The following PCGF3 variants were observed in gnomAD, a reference collection of about 807,000 sequenced individuals.
The protein encoded by PCGF3 is polycomb group RING finger protein 3.
Under a neutral mutation model 33.1 loss-of-function variants are expected in PCGF3, and 7 were observed. The observed-to-expected ratio is 0.21, with a 90% confidence interval of 0.12 to 0.40. The LOEUF is 0.40. Among genes scored for constraint, PCGF3 ranks in the 10% least tolerant of loss-of-function variants. The pLI is 1.00. For synonymous variants in PCGF3, 153 were observed against 121.3 expected (o/e 1.26, Z -1.72); for missense variants, 211 against 313.3 (o/e 0.67, Z 2.46).
At position 765,078 on chromosome 4, in the gene PCGF3, T is replaced by C. The variant is rs1745286101; in HGVS notation, c.681+14T>C. 8 of 1,587,078 alleles carry C rather than the reference T, an allele frequency of 5.0e-6. No homozygotes were observed. The highest frequency in any genetic ancestry group is 1.1e-5 in the South Asian group (1 of 90,444). On this transcript the variant is annotated intron_variant, in intron 10 of 10. Transcript: ENST00000362003. ...TGGAGATTCAAGGTGAGACACGTGA[T>C]TTGATTTTCAGAGTCTGCTCTGAAT...
chr4:729,721 G>T (rs1468003280), intron 1 of PCGF3, among the ~76,000 whole-genome samples: 1 of 152,162 alleles, frequency 6.6e-6, no homozygotes, highest in Non-Finnish European at 1.5e-5. Context: ...AGTTAACTGA[G>T]CTTCAAAGAT....
In PCGF3 at chr4:718,072, C is replaced by T. The variant is rs922596436; in HGVS notation, c.-190+12102C>T. On this transcript the variant is annotated intron_variant, in intron 1 of 10. Transcript: ENST00000362003. Reference sequence around the variant, plus strand: ...CTAGGGGGGCCCAGTGTGAGGGAGGCGCAGGTGGCTCAGAGGTGTCTGGGG... The same window carrying T: ...CTAGGGGGGCCCAGTGTGAGGGAGGTGCAGGTGGCTCAGAGGTGTCTGGGG... Among the ~76,000 whole-genome samples, 7 of 152,096 alleles carry T rather than the reference C, an allele frequency of 4.6e-5. No homozygotes were observed. In the South Asian group the frequency reaches 1.0e-3, roughly 23 times the overall value.
intron 9 of PCGF3, chr4:762,148 A>C (rs1226371423): frequency 4.3e-5 from 39 of 915,666 alleles, no homozygotes; most frequent in Non-Finnish European, 4.8e-5. Context: ...CCTAACCCCC[A>C]GAGCCTGCAA....
intron 8 of PCGF3, among the ~76,000 whole-genome samples, chr4:758,171 A>G (rs1226685612): frequency 1.0e-5 from 1 of 95,500 alleles, no homozygotes; most frequent in Non-Finnish European, 2.3e-5. Context: ...GTCTCAAAAA[A>G]AAAAAAAAAA....
chr4:726,778 T>A (rs1011749432), intron 1 of PCGF3, among the ~76,000 whole-genome samples: 2 of 152,322 alleles, frequency 1.3e-5, no homozygotes, highest in East Asian at 3.9e-4. Context: ...TGTATGTTTT[T>A]AATTCTAAGA....
chr4:749,253 C>T (rs1259755781), intron 8 of PCGF3, among the ~76,000 whole-genome samples: 2 of 152,156 alleles, frequency 1.3e-5, no homozygotes, highest in Admixed American at 6.5e-5. Flanking sequence ...CAACCTCTGC[C>T]TCCCATGTTC....
chr4:739,889 C>T (rs1319670809), intron 6 of PCGF3, among the ~76,000 whole-genome samples: 3 of 152,234 alleles, frequency 2.0e-5, no homozygotes, highest in African/African-American at 4.8e-5. Flanking sequence ...CCCCAGGGCA[C>T]GGTGGCCCCG....
rs1407172394 is a variant in PCGF3, at chr4:715,340, C to T, written c.-190+9370C>T. The stretch of plus-strand genomic sequence containing the variant: ...GTAGACACTGAGTGTGAGAACTGGG[C>T]GTCGGTGCTGGGACCTTGTAGACAC... On this transcript the variant is annotated intron_variant, in intron 1 of 10. Coordinates refer to ENST00000362003, the Ensembl canonical transcript of PCGF3. Among the ~76,000 whole-genome samples, 49 of 119,876 alleles carry T rather than the reference C, an allele frequency of 4.1e-4. 3 individuals are homozygous for T. Among genetic ancestry groups the T allele is most frequent in the East Asian group, 8.5e-4 (3 of 3,542 alleles). The allele number at this position is 119,876 out of a possible 152,430, so 78.6% of individuals were successfully genotyped here. A position where few individuals can be genotyped will look rare whatever the true frequency, so the allele number is the denominator to read the frequency against.
intron 9 of PCGF3, 45 bp from the exon 10 acceptor site, chr4:764,939 G>A (rs1745280558): frequency 7.3e-7 from 1 of 1,374,082 alleles, no homozygotes; most frequent in Non-Finnish European, 1.0e-6. Flanking sequence ...TGTCAGTGTG[G>A]GTTGAGCACC....
intron 8 of PCGF3, among the ~76,000 whole-genome samples, chr4:754,970 T>C (rs1420819238): frequency 1.3e-5 from 2 of 152,176 alleles, no homozygotes; most frequent in East Asian, 3.9e-4. Context: ...TCTTTTTCAC[T>C]TCCAGGTGGA....
rs147327491 is a variant in PCGF3, at chr4:737,869, C to T, written c.262+348C>T. ...AGGCCTGCCTCCCCTCATCCCACAGCGCCAGCTTCCCCACAACAGAGGAGC... is the reference window on the plus strand; with the variant it reads ...AGGCCTGCCTCCCCTCATCCCACAGTGCCAGCTTCCCCACAACAGAGGAGC... On this transcript the variant is annotated intron_variant, in intron 6 of 10. Coordinates refer to ENST00000362003, the Ensembl canonical transcript of PCGF3. Among the ~76,000 whole-genome samples, 29 of 152,354 alleles carry T rather than the reference C, an allele frequency of 1.9e-4. No individual in the cohort carries two copies. The East Asian group carries it at 4.4e-3, about 23-fold the overall frequency.
Position 734,430 on chromosome 4 carries a change from C to G in PCGF3, c.110-501C>G. 3.8e-6 allele frequency: 5 copies of G among 1,299,412 alleles called. No individual in the cohort carries two copies. The South Asian group carries it at 1.4e-4, about 37-fold the overall frequency. 80.5% of individuals were successfully genotyped at this position (1,299,412 alleles called of 1,614,324 possible). A position where few individuals can be genotyped will look rare whatever the true frequency, so the allele number is the denominator to read the frequency against. ...GTGTACGCTTATAATACAAGTGATGCTTGTGTATTTCTCACTTTAGGAAAT... is the reference window on the plus strand; with the variant it reads ...GTGTACGCTTATAATACAAGTGATGGTTGTGTATTTCTCACTTTAGGAAAT... On this transcript the variant is annotated intron_variant, in intron 4 of 10. Transcript: ENST00000362003.
intron 8 of PCGF3, among the ~76,000 whole-genome samples, chr4:747,877 TTTTC>T (rs1252578614): frequency 2.4e-5 from 2 of 81,960 alleles, no homozygotes; most frequent in Admixed American, 1.4e-4. Flanking sequence ...ACTTCTTCCT[TTTTC>T]TTTTTTTTTT....
intron 8 of PCGF3, among the ~76,000 whole-genome samples, chr4:756,045 C>T (rs1445136142): frequency 2.0e-5 from 3 of 151,352 alleles, no homozygotes; most frequent in Non-Finnish European, 4.4e-5. Context: ...TACAGAGTAG[C>T]TGGGATTATA....
rs767104427 is a variant in PCGF3, at chr4:764,969, C to T, written c.601-15C>T. ...AGCACCTCTCCGCTGCTAATCAAAC[C>T]TCCTTATCCCCCAGCTGGACATTTT... On this transcript the variant is annotated splice_polypyrimidine_tract_variant and intron_variant, in intron 9 of 10. Transcript: ENST00000362003. 2.5e-5 allele frequency: 40 copies of T among 1,607,920 alleles called. No homozygotes were observed. The Admixed American group carries it at 3.8e-4, about 15-fold the overall frequency.
intron 5 of PCGF3, among the ~76,000 whole-genome samples, 199 bp from the exon 6 acceptor site, chr4:737,267 A>G (rs937302823): frequency 7.9e-5 from 12 of 152,238 alleles, no homozygotes; most frequent in African/African-American, 2.9e-4. Context: ...TGAAGCAGCC[A>G]GAGCCCAAGT....
intron 6 of PCGF3, 142 bp downstream of exon 6, chr4:737,663 A>C (rs1220251690): frequency 6.3e-6 from 4 of 638,570 alleles, no homozygotes; most frequent in African/African-American, 5.5e-5. Flanking sequence ...CTCTCAGCCC[A>C]ACTTCATCTC....
chr4:764,811 T>G, intron 9 of PCGF3, 173 bp from the exon 10 acceptor site: 2 of 588,272 alleles, frequency 3.4e-6, no homozygotes, highest in Non-Finnish European at 6.1e-6. Flanking sequence ...ACTCCATCTC[T>G]AGGCTGTGAG....
chr4:755,966 T>C (rs1181137824), intron 8 of PCGF3, among the ~76,000 whole-genome samples: 1 of 131,724 alleles, frequency 7.6e-6, no homozygotes, highest in Non-Finnish European at 1.5e-5. Flanking sequence ...CAGGCTGGAG[T>C]GCAAGGCCTG....
Sources: allele counts gnomAD v4.1 joint callset (sites outside exome capture counted in the v4.1 genomes callset), GRCh38; gene constraint gnomAD v4.1.1; transcripts MANE v1.5; gene names NCBI Gene and HGNC (gene_info 2026-07-23, HGNC 2026-07-21).